SLIT3: variants seen among roughly 807,000 people sequenced by gnomAD.
The protein encoded by SLIT3 is slit homolog 3 protein.
In SLIT3, 68 loss-of-function variants were observed where a neutral mutation model predicts 184.0. The observed-to-expected ratio is 0.37, with a 90% CI of 0.30 to 0.45. The LOEUF (loss-of-function observed/expected upper bound fraction) is 0.45. Among genes scored for constraint, SLIT3 ranks in the 20% least tolerant of loss-of-function variants. The pLI is 1.00. For synonymous variants in SLIT3, 831 were observed against 828.6 expected, an observed-to-expected ratio of 1.00 and a Z score of -0.05; for missense variants, 1,707 against 2,026.0, an observed-to-expected ratio of 0.84 and a Z score of 3.02.
intron 5 of SLIT3, among the ~76,000 whole-genome samples, chr5:168,862,375 A>G (rs909084519): frequency 3.3e-5 from 5 of 152,178 alleles, no homozygotes; most frequent in African/African-American, 1.2e-4. Flanking sequence ...AAAATAAGGT[A>G]TGGGCAGCAA....
At chr5:169,017,358 T>C (rs1756425097) in intron 4 of SLIT3, among the ~76,000 whole-genome samples, 1 of 152,176 alleles carries the variant, frequency 6.6e-6, no homozygotes, top group Non-Finnish European at 1.5e-5. Context: ...AATGCCCAGC[T>C]CACATCAGGC....
chr5:169,297,521 G>A (rs1416567853), intron 1 of SLIT3, among the ~76,000 whole-genome samples: 2 of 152,112 alleles, frequency 1.3e-5, no homozygotes, highest in African/African-American at 4.8e-5. Flanking sequence ...TTTTTGGGAG[G>A]CAGAGTACCA....
chr5:169,085,459 G>A lies in SLIT3; in HGVS notation c.413+108020C>T, dbSNP rs150048663. Among the ~76,000 whole-genome samples the A allele has an allele frequency of 8.5e-5, 13 of 152,306 alleles. No homozygotes were observed. The Middle Eastern group carries it at 0.01, about 120-fold the overall frequency. The stretch of plus-strand genomic sequence containing the variant: ...TCAACTAACACAGCAGCAAAGGGGC[G>A]TGGGAGGGGTTTTTTCTTTGGTCTT... On this transcript the variant is annotated intron_variant, in intron 4 of 35. Coordinates refer to ENST00000519560, the MANE Select transcript of SLIT3 (RefSeq NM_003062.4).
chr5:169,092,861 T>G (rs1222673905), intron 4 of SLIT3, among the ~76,000 whole-genome samples: 1 of 152,184 alleles, frequency 6.6e-6, no homozygotes, highest in Non-Finnish European at 1.5e-5. Flanking sequence ...GATTCATTTT[T>G]TGTACATCAA....
chr5:168,775,355 C>T (rs939386810), intron 12 of SLIT3, among the ~76,000 whole-genome samples: 2 of 152,162 alleles, frequency 1.3e-5, no homozygotes, highest in East Asian at 3.9e-4. Context: ...CATTTTCATT[C>T]CTCAGACACA....
chr5:168,751,747 A>C (rs10067444), intron 18 of SLIT3, among the ~76,000 whole-genome samples: 14,210 of 135,388 alleles, frequency 0.1, 2,215 homozygotes, highest in African/African-American at 0.36. Flanking sequence ...TTTTTTTTTG[A>C]GACGAAGTCT....
intron 10 of SLIT3, chr5:168,792,235 G>A (rs1416103805): frequency 6.6e-6 from 1 of 152,234 alleles, no homozygotes; most frequent in African/African-American, 2.4e-5. Context: ...GCATGACCCT[G>A]TCCCTAGCCA....
At chr5:169,072,219 C>A (rs1191772232) in intron 4 of SLIT3, among the ~76,000 whole-genome samples, 1 of 152,080 alleles carries the variant, frequency 6.6e-6, no homozygotes, top group Non-Finnish European at 1.5e-5. Flanking sequence ...CAGGGAGCAG[C>A]AGAGAATAAT....
intron 3 of SLIT3, among the ~76,000 whole-genome samples, chr5:169,217,571 G>A (rs1006322825): frequency 2.0e-5 from 3 of 152,180 alleles, no homozygotes; most frequent in Non-Finnish European, 4.4e-5. Context: ...TCCAGCCTGG[G>A]GTTCCTGGGG....
chr5:169,107,714 C>T (rs1760267805), intron 4 of SLIT3, among the ~76,000 whole-genome samples: 1 of 152,236 alleles, frequency 6.6e-6, no homozygotes, highest in African/African-American at 2.4e-5. Context: ...TCAGTAAGAA[C>T]AGCCACCTGG....
chr5:169,130,947 A>T (rs1395216323), intron 4 of SLIT3, among the ~76,000 whole-genome samples: 1 of 152,206 alleles, frequency 6.6e-6, no homozygotes, highest in East Asian at 1.9e-4. Context: ...TGCCACATAT[A>T]GATACGTATT....
intron 4 of SLIT3, among the ~76,000 whole-genome samples, chr5:168,962,311 AACACACAC>A (rs70979116): frequency 1.4e-4 from 20 of 147,530 alleles, no homozygotes; most frequent in Non-Finnish European, 2.5e-4. Context: ...CCCACCCCAC[AACACACAC>A]ACACACACAC....
chr5:169,168,984 T>G (rs1027590907), intron 4 of SLIT3, among the ~76,000 whole-genome samples: 7 of 152,286 alleles, frequency 4.6e-5, no homozygotes, highest in East Asian at 1.9e-4. Context: ...TAAGAGGCAT[T>G]CACTTAGGAT....
At chr5:168,689,931 A>G (rs990453802) in intron 29 of SLIT3, among the ~76,000 whole-genome samples, 1 of 152,208 alleles carries the variant, frequency 6.6e-6, no homozygotes, top group African/African-American at 2.4e-5. Context: ...CAAGATAATG[A>G]CATCACATAT....
intron 4 of SLIT3, among the ~76,000 whole-genome samples, chr5:168,971,512 C>G (rs1247389207): frequency 6.6e-6 from 1 of 152,140 alleles, no homozygotes; most frequent in African/African-American, 2.4e-5. Context: ...GTTGATCTGC[C>G]CCTTCCCACT....
At chr5:168,897,355 G>A (rs149389584) in intron 4 of SLIT3, among the ~76,000 whole-genome samples, 222 of 152,204 alleles carry the variant, frequency 1.5e-3, no homozygotes, top group African/African-American at 4.6e-3. Flanking sequence ...GTCAGCCTCT[G>A]AGTGCTGAGG....
intron 32 of SLIT3, among the ~76,000 whole-genome samples, chr5:168,675,595 G>A (rs1245523145): frequency 1.3e-5 from 2 of 152,188 alleles, no homozygotes; most frequent in African/African-American, 2.4e-5. Flanking sequence ...ATGCTGGCAT[G>A]TGCCTGTATC....
At chr5:168,934,290 A>G (rs1227181835) in intron 4 of SLIT3, among the ~76,000 whole-genome samples, 1 of 152,176 alleles carries the variant, frequency 6.6e-6, no homozygotes, top group Non-Finnish European at 1.5e-5. Context: ...CAGCCTGATG[A>G]TTTTGAGCCA....
chr5:169,117,849 C>T (rs370214953), intron 4 of SLIT3, among the ~76,000 whole-genome samples: 1 of 152,170 alleles, frequency 6.6e-6, no homozygotes, highest in Non-Finnish European at 1.5e-5. Context: ...ACTCTAGGTT[C>T]TCTCCTTGGC....
Sources: gnomAD v4.1 joint callset for allele counts (sites outside exome capture counted in the v4.1 genomes callset) on GRCh38, gnomAD v4.1.1 for gene constraint, MANE v1.5 for transcripts, NCBI Gene and HGNC (gene_info 2026-07-23, HGNC 2026-07-21) for gene names.